Variants in TRIM8 observed in about 807,000 individuals in gnomAD.
The protein encoded by TRIM8 is E3 ubiquitin-protein ligase TRIM8.
A neutral mutation model predicts 55.7 loss-of-function variants in TRIM8; 9 were observed. The observed-to-expected ratio is 0.16, with a 90% CI of 0.10 to 0.28. The LOEUF (loss-of-function observed/expected upper bound fraction) is 0.28. TRIM8 is among the 10% of genes least tolerant of loss of function. The pLI, the probability that TRIM8 is intolerant of heterozygous loss-of-function variation, is 1.00. For missense variants in TRIM8, 556 were observed against 736.4 expected (o/e 0.76, Z 2.83); for synonymous variants, 335 against 333.3 (o/e 1.01, Z -0.06).
At chr10:102,647,773 G>A (rs761282575) in intron 1 of TRIM8, among the ~76,000 whole-genome samples, 7 of 152,184 alleles carry the variant, frequency 4.6e-5, no homozygotes, top group South Asian at 2.1e-4. Context: ...CTTCTTGTGC[G>A]TCCTCTTCTG....
intron 1 of TRIM8, among the ~76,000 whole-genome samples, chr10:102,652,190 C>T (rs903088202): frequency 1.3e-5 from 2 of 152,228 alleles, no homozygotes; most frequent in African/African-American, 4.8e-5. Flanking sequence ...GCCTCACCCC[C>T]ACACTTCCTC....
In TRIM8 at chr10:102,656,848, C is replaced by T; in HGVS notation, c.1150C>T (p.Pro384Ser). 2 of 1,553,410 alleles carry T rather than the reference C, an allele frequency of 1.3e-6. No homozygotes were observed. Among genetic ancestry groups the T allele is most frequent in the Non-Finnish European group, 1.7e-6 (2 of 1,151,290 alleles). The change falls in exon 6 of 6, where the codon CCA becomes TCA. Residue 384 changes from proline to serine, a missense_variant. By Grantham distance (74) the Pro-to-Ser change is moderately conservative. Coordinates refer to ENST00000643721, the MANE Select transcript of TRIM8 (RefSeq NM_030912.3). The surrounding 1 kb of genome is among the most constrained non-coding windows in gnomAD (Gnocchi z 4.6). Reference sequence around the variant, plus strand: ...AAAGCGCAAGCACTCAACGGCCTTCCCAGAGGCCAGTTTCCTAGAGACGTC... The same window carrying T: ...AAAGCGCAAGCACTCAACGGCCTTCTCAGAGGCCAGTTTCCTAGAGACGTC... ...AEKRKHSTAF[P>S]EASFLETSSG...
chr10:102,647,720 A>G (rs1363762293), intron 1 of TRIM8, among the ~76,000 whole-genome samples: 1 of 152,136 alleles, frequency 6.6e-6, no homozygotes, highest in Non-Finnish European at 1.5e-5. Flanking sequence ...ATACAGGGGC[A>G]GAAGCACAGA....
rs1308930967 is a variant in TRIM8 at position 102,656,168 on chromosome 10, C to T, written c.932+31C>T. ...CTGAGGGCCCTAGCCCTCCCGGGGG[C>T]ACATCCTGGGGAGGGCAGGGGGGCC... is the stretch of plus-strand genomic sequence containing the variant. On this transcript the variant is annotated intron_variant, in intron 4 of 5. Transcript: ENST00000643721. This position sits in a 1 kb window ranked among gnomAD's most constrained non-coding sequence, Gnocchi z 4.6. The T allele has an allele frequency of 1.9e-6, 3 of 1,614,046 alleles. No homozygotes were observed. In the African/African-American group the frequency reaches 4.0e-5, roughly 22 times the overall value.
Position 102,647,860 on chromosome 10 carries a change from C to T in TRIM8, c.570+2673C>T, listed in dbSNP as rs532207173. Among the ~76,000 whole-genome samples, 5 of 152,304 alleles carry T rather than the reference C, an allele frequency of 3.3e-5. No individual in the cohort carries two copies. In the South Asian group the frequency reaches 1.0e-3, roughly 32 times the overall value. ...CTCTGATTAACCCCTCCCTGGTGGC[C>T]TCACCCTCATATACTTACAGCATCC... is the stretch of plus-strand genomic sequence containing the variant. On this transcript the variant is annotated intron_variant, in intron 1 of 5. Transcript: ENST00000643721.
rs780124415 is a variant in TRIM8 at position 102,655,166 on chromosome 10, G to A, written c.753G>A (p.Val251=). The A allele has an allele frequency of 3.1e-6, 5 of 1,612,122 alleles. No homozygotes were observed. The Admixed American group carries it at 8.5e-5, about 27-fold the overall frequency. ...QLLDEDLRQT[V]EVLDKAQAKF... ...TGGACGAGGACCTGCGGCAGACAGT[G>A]GAGGTCCTAGACAAGGCCCAGGCCA... Residue 251 remains valine (V), a synonymous_variant, in exon 3 of 6, where the codon GTG becomes GTA. Coordinates refer to ENST00000643721, the MANE Select transcript of TRIM8 (RefSeq NM_030912.3).
Position 102,656,897 on chromosome 10 carries a change from A to T in TRIM8, c.1199A>T (p.Tyr400Phe), listed in dbSNP as rs1214068585. 6.3e-7 allele frequency: 1 copy of T among 1,594,012 alleles called. No homozygotes were observed. Among genetic ancestry groups the T allele is most frequent in the East Asian group, 2.2e-5 (1 of 44,642 alleles). The change falls in exon 6 of 6, where the codon TAC becomes TTC. Residue 400 changes from tyrosine to phenylalanine, a missense_variant. By Grantham distance (22) the Tyr-to-Phe change is conservative. Coordinates refer to ENST00000643721, the MANE Select transcript of TRIM8 (RefSeq NM_030912.3). This position sits in a 1 kb window ranked among gnomAD's most constrained non-coding sequence, Gnocchi z 4.6. ...ETSSGPVGGQ[Y>F]GAAGTASGEG... is the part of the protein sequence containing the mutation. ...TCGTCGGGCCCTGTGGGCGGCCAGT[A>T]CGGGGCGGCGGGCACAGCCAGCGGT...
intron 1 of TRIM8, among the ~76,000 whole-genome samples, chr10:102,652,787 G>A (rs938473188): frequency 3.3e-5 from 5 of 150,932 alleles, no homozygotes; most frequent in African/African-American, 1.2e-4. Flanking sequence ...GTTGGTGCAT[G>A]AGGAACCGAT....
intron 1 of TRIM8, chr10:102,654,345 GA>G: frequency 8.0e-6 from 2 of 250,412 alleles, no homozygotes; most frequent in South Asian, 1.1e-4. Context: ...GCTAAGACAG[GA>G]GAATCACTTG....
rs1260159995 is a variant in TRIM8 at position 102,657,740 on chromosome 10, C to CA, written c.*386_*387insA. On this transcript the variant is annotated 3_prime_UTR_variant, in exon 6 of 6. Transcript: ENST00000643721. ...AGCTTGGGGGTCCCACCCTTCTTAC[C>CA]CCACCCGGGAGGAACGCCCAGGGCC... 1.7e-5 allele frequency: 3 copies of CA among 181,220 alleles called. No individual in the cohort carries two copies. Among genetic ancestry groups the CA allele is most frequent in the African/African-American group, 7.1e-5 (3 of 42,346 alleles). The allele number at this position is 181,220 out of a possible 1,614,324, so 11.2% of individuals were successfully genotyped here. A position where few individuals can be genotyped will look rare whatever the true frequency, so the allele number is the denominator to read the frequency against.
chr10:102,654,704 G>A lies in TRIM8; in HGVS notation c.622G>A (p.Glu208Lys). Residue 208 changes from glutamate (E) to lysine (K), a missense_variant, in exon 2 of 6, where the codon GAG becomes AAG. Physicochemically the swap from Glu to Lys is moderately conservative, Grantham distance 56. This residue lies in a region of TRIM8 where 165 missense variants were observed against 295.3 expected (regional missense o/e 0.56). Transcript: ENST00000643721. ...DRLEEREQDIEDQLYKLESDK... is the reference protein window; with the variant it reads ...DRLEEREQDIKDQLYKLESDK... ...GCTGGAGGAGCGAGAGCAGGACATT[G>A]AGGACCAGCTGTACAAACTCGAGTC... The A allele has an allele frequency of 5.0e-6, 8 of 1,614,218 alleles. No homozygotes were observed. Among genetic ancestry groups the A allele is most frequent in the Non-Finnish European group, 6.8e-6 (8 of 1,180,028 alleles).
chr10:102,656,912 C>G lies in TRIM8; in HGVS notation c.1214C>G (p.Thr405Arg). The G allele has an allele frequency of 6.3e-7, 1 of 1,599,678 alleles. No homozygotes were observed. The highest frequency in any genetic ancestry group is 8.5e-7 in the Non-Finnish European group (1 of 1,172,438). ...GGCGGCCAGTACGGGGCGGCGGGCA[C>G]AGCCAGCGGTGAGGGCCAGTCTGGG... ...PVGGQYGAAG[T>R]ASGEGQSGQP... is the part of the protein sequence containing the mutation. The change falls in exon 6 of 6, where the codon ACA becomes AGA. Residue 405 changes from threonine (T) to arginine (R), a missense_variant. Physicochemically the swap from Thr to Arg is moderately conservative, Grantham distance 71. Coordinates refer to ENST00000643721, the MANE Select transcript of TRIM8 (RefSeq NM_030912.3). This position sits in a 1 kb window ranked among gnomAD's most constrained non-coding sequence, Gnocchi z 4.6.
intron 1 of TRIM8, chr10:102,654,444 AATAAG>A (rs1341280920): frequency 1.9e-6 from 1 of 514,894 alleles, no homozygotes; most frequent in East Asian, 3.2e-5. Flanking sequence ...CTAAAAAAAT[AATAAG>A]ATAAATAAAT....
Position 102,644,533 on chromosome 10 carries a change from C to A in TRIM8, c.-85C>A. 3 of 1,333,902 alleles carry A rather than the reference C, an allele frequency of 2.2e-6. No individual in the cohort carries two copies. Among genetic ancestry groups the A allele is most frequent in the Non-Finnish European group, 3.0e-6 (3 of 986,998 alleles). 82.6% of individuals were successfully genotyped at this position (1,333,902 alleles called of 1,614,324 possible). On this transcript the variant is annotated 5_prime_UTR_variant, in exon 1 of 6. Transcript: ENST00000643721. ...GGCCGGCTGGGGCCGGAGCTCGGGG[C>A]TCGGTGGGCCTACAGCGGCTCCGGA...
At position 102,657,332 on chromosome 10, in the gene TRIM8, C is replaced by G. The variant is rs2064035035; in HGVS notation, c.1634C>G (p.Thr545Ser). The change falls in exon 6 of 6, where the codon ACC (threonine) becomes AGC (serine). Residue 545 changes from threonine (T) to serine (S), a missense_variant. Physicochemically the swap from Thr to Ser is moderately conservative, Grantham distance 58 (BLOSUM62 1). Coordinates refer to ENST00000643721, the MANE Select transcript of TRIM8 (RefSeq NM_030912.3). ...TACAGGGTGTATGGGCAGCCGTCCA[C>G]CAAACACTACGTGACGAGCTAACGC... The part of the protein sequence containing the change: ...DFYRVYGQPS[T>S]KHYVTS 1 of 1,595,268 alleles carries G rather than the reference C, an allele frequency of 6.3e-7. No individual in the cohort carries two copies. Among genetic ancestry groups the G allele is most frequent in the South Asian group, 1.1e-5 (1 of 89,054 alleles).
chr10:102,648,648 G>C (rs569459247), intron 1 of TRIM8, among the ~76,000 whole-genome samples: 1 of 152,264 alleles, frequency 6.6e-6, no homozygotes, highest in Admixed American at 6.5e-5. Context: ...ATCTGTCTCT[G>C]AGTACGCAGT....
chr10:102,648,395 A>T (rs1254384926), intron 1 of TRIM8, among the ~76,000 whole-genome samples: 2 of 151,940 alleles, frequency 1.3e-5, no homozygotes, highest in Non-Finnish European at 2.9e-5. Context: ...TTGTGCAGTT[A>T]CGGTTGTGTT....
intron 1 of TRIM8, among the ~76,000 whole-genome samples, chr10:102,647,125 C>CA (rs2063942716): frequency 6.6e-6 from 1 of 152,216 alleles, no homozygotes; most frequent in African/African-American, 2.4e-5. Flanking sequence ...CATGTGCATG[C>CA]AGAGTATTCC....
intron 3 of TRIM8, among the ~76,000 whole-genome samples, chr10:102,655,752 C>CA (rs1392383910): frequency 6.6e-6 from 1 of 152,162 alleles, no homozygotes; most frequent in African/African-American, 2.4e-5. Flanking sequence ...ATATATGATA[C>CA]AGGCACTGTA....
Sources: gnomAD v4.1 joint callset for allele counts (sites outside exome capture counted in the v4.1 genomes callset) on GRCh38, gnomAD v4.1.1 for gene constraint, gnomAD v4.1.1 regional missense constraint, Gnocchi (gnomAD v3.1) non-coding constraint, MANE v1.5 for transcripts, NCBI Gene and HGNC (gene_info 2026-07-23, HGNC 2026-07-21) for gene names.